Variants in NDUFS2 observed in about 807,000 individuals in gnomAD.
NDUFS2 encodes the protein NADH dehydrogenase [ubiquinone] iron-sulfur protein 2, mitochondrial.
NDUFS2 carries 38 observed loss-of-function variants against 69.6 expected under a neutral mutation model. The ratio of observed to expected loss-of-function variants is 0.55; its 90% CI spans 0.42 to 0.72. The LOEUF is 0.72. Among genes scored for constraint, NDUFS2 ranks in the 30% least tolerant of loss-of-function variants. NDUFS2 has a pLI of 0.00. For missense variants in NDUFS2, 468 were observed against 595.0 expected (o/e 0.79, Z 2.22); for synonymous variants, 194 against 211.2 (o/e 0.92, Z 0.70).
chr1:161,199,886 C>T (rs556077155), upstream of NDUFS2, among the ~76,000 whole-genome samples: 37 of 151,208 alleles, frequency 2.4e-4, no homozygotes, highest in Non-Finnish European at 5.0e-4. Context: ...CAGGGTTCCC[C>T]CTCCCCACTT....
intron 3 of NDUFS2, among the ~76,000 whole-genome samples, chr1:161,207,773 A>C (rs1665549903): frequency 6.6e-6 from 1 of 150,398 alleles, no homozygotes; most frequent in Non-Finnish European, 1.5e-5. Context: ...AGATACTCTT[A>C]AGACTGATTG....
At position 161,206,524 on chromosome 1, in the gene NDUFS2, G is replaced by C; in HGVS notation, c.320G>C (p.Arg107Pro). The C allele has an allele frequency of 6.2e-7, 1 of 1,614,214 alleles. No homozygotes were observed. Among genetic ancestry groups the C allele is most frequent in the East Asian group, 2.2e-5 (1 of 44,886 alleles). ...LVMELSGEMV[R>P]KCDPHIGLLH... is the part of the protein sequence containing the mutation. ...ATGGAATTGAGTGGGGAGATGGTGC[G>C]GAAGTGTGATCCTCACATCGGGCTC... The change falls in exon 3 of 14, where the codon CGG becomes CCG. Residue 107 changes from arginine to proline, a missense_variant. Arg to Pro is a moderately radical substitution (Grantham distance 103, BLOSUM62 -2). Coordinates refer to ENST00000676972, the MANE Select transcript of NDUFS2 (RefSeq NM_001377299.1).
At chr1:161,205,855 C>T (rs986768488) in intron 2 of NDUFS2, among the ~76,000 whole-genome samples, 1 of 151,884 alleles carries the variant, frequency 6.6e-6, no homozygotes, top group Non-Finnish European at 1.5e-5. Flanking sequence ...GACTGGTTGG[C>T]CATTCATTGG....
At chr1:161,212,716 C>A in intron 10 of NDUFS2, 1 of 411,698 alleles carries the variant, frequency 2.4e-6, no homozygotes, top group Admixed American at 3.6e-5. Flanking sequence ...TGTGCCACTA[C>A]GCCCAGCTAA....
intron 2 of NDUFS2, among the ~76,000 whole-genome samples, chr1:161,204,754 A>G (rs1665362126): frequency 6.6e-6 from 1 of 152,168 alleles, no homozygotes; most frequent in African/African-American, 2.4e-5. Context: ...TGAGGAAATT[A>G]TGGTCTAAGG....
Position 161,206,492 on chromosome 1 carries a change from A to G in NDUFS2, c.288A>G (p.Arg96=). 3 of 1,614,242 alleles carry G rather than the reference A, an allele frequency of 1.9e-6. No homozygotes were observed. In the East Asian group the frequency reaches 6.7e-5, roughly 36 times the overall value. The part of the protein sequence containing the change: ...PQHPAAHGVL[R]LVMELSGEMV... The stretch of plus-strand genomic sequence containing the variant: ...ACCCAGCAGCGCATGGTGTCCTGCG[A>G]CTAGTGATGGAATTGAGTGGGGAGA... Residue 96 remains arginine (R), a synonymous_variant, in exon 3 of 14, where the codon CGA becomes CGG. Transcript: ENST00000676972.
chr1:161,207,693 C>T (rs921534848), intron 3 of NDUFS2, among the ~76,000 whole-genome samples: 3 of 149,276 alleles, frequency 2.0e-5, no homozygotes, highest in Non-Finnish European at 4.4e-5. Flanking sequence ...TGCTACTGCA[C>T]TCCAGCGCCT....
upstream of NDUFS2, chr1:161,198,155 G>GC (rs1558077955): frequency 3.1e-6 from 5 of 1,613,996 alleles, no homozygotes. The surrounding 1 kb of genome is among the most constrained non-coding windows in gnomAD (Gnocchi z 4.7). Flanking sequence ...GTGGAGTTCA[G>GC]CCCCCCGATA....
At chr1:161,213,107 G>A in intron 10 of NDUFS2, 1 of 382,542 alleles carries the variant, frequency 2.6e-6, no homozygotes, top group South Asian at 2.1e-5. Context: ...GTTTCACTCT[G>A]TTGGCCAGGC....
At chr1:161,207,976 AT>A (rs965466967) in intron 3 of NDUFS2, among the ~76,000 whole-genome samples, 596 of 88,780 alleles carry the variant, frequency 6.7e-3, no homozygotes, top group African/African-American at 0.019. Context: ...TGCCTGGCTA[AT>A]TTTTTTTTTT....
chr1:161,208,071 A>C (rs1168566455), intron 3 of NDUFS2, among the ~76,000 whole-genome samples: 2 of 136,456 alleles, frequency 1.5e-5, no homozygotes, highest in Non-Finnish European at 1.5e-5. Context: ...TGCAAACTCC[A>C]CCTCCCAGGT....
chr1:161,213,552 C>A, intron 11 of NDUFS2, 77 bp downstream of exon 11: 1 of 1,514,436 alleles, frequency 6.6e-7, no homozygotes, highest in Non-Finnish European at 9.2e-7. Context: ...ATAGCTCATT[C>A]ATCAATGAGA....
intron 5 of NDUFS2, 41 bp from the exon 6 acceptor site, chr1:161,209,816 G>T: frequency 6.2e-7 from 1 of 1,600,356 alleles, no homozygotes; most frequent in Non-Finnish European, 8.5e-7. Context: ...GGACCTGGGG[G>T]CCTGGGACTT....
chr1:161,200,158 C>A (rs1383591240), upstream of NDUFS2, among the ~76,000 whole-genome samples: 1 of 152,066 alleles, frequency 6.6e-6, no homozygotes, highest in Non-Finnish European at 1.5e-5. Context: ...CTTTTTAATT[C>A]TCCCTGGGGC....
chr1:161,213,570 CAGAA>C (rs1665889559), intron 11 of NDUFS2, 75 bp from the exon 12 acceptor site: 1 of 1,547,996 alleles, frequency 6.5e-7, no homozygotes, highest in Admixed American at 1.7e-5. Flanking sequence ...AGAGAGAAAA[CAGAA>C]TGAATAGAGG....
chr1:161,208,445 C>T lies in NDUFS2; in HGVS notation c.394-748C>T, dbSNP rs1263939687. Among the ~76,000 whole-genome samples the T allele has an allele frequency of 2.0e-5, 3 of 151,928 alleles. No individual in the cohort carries two copies. In the East Asian group the frequency reaches 5.8e-4, roughly 29 times the overall value. On this transcript the variant is annotated intron_variant, in intron 3 of 13. Transcript: ENST00000676972. ...CCTCCCAAGTAGCTGGGATTACAGG[C>T]ATGCACCACCACGCCCTGCTAATTT...
At chr1:161,211,848 G>T (rs1457346468) in intron 9 of NDUFS2, among the ~76,000 whole-genome samples, 1 of 152,114 alleles carries the variant, frequency 6.6e-6, no homozygotes, top group Non-Finnish European at 1.5e-5. Context: ...GGTAATTAAA[G>T]AAATAAATAC....
intron 1 of NDUFS2, 88 bp downstream of exon 1, chr1:161,202,568 C>T (rs747383050): frequency 4.6e-5 from 61 of 1,319,998 alleles, no homozygotes; most frequent in Non-Finnish European, 6.0e-5. Flanking sequence ...AAAATAATAA[C>T]CCAAGCCTGT....
At chr1:161,209,668 G>A in intron 5 of NDUFS2, 73 bp downstream of exon 5, 2 of 1,341,398 alleles carry the variant, frequency 1.5e-6, no homozygotes, top group Non-Finnish European at 2.1e-6. Context: ...GGAGACAGGA[G>A]ATTAAAAGAA....
Sources: allele counts gnomAD v4.1 joint callset (sites outside exome capture counted in the v4.1 genomes callset), GRCh38; gene constraint gnomAD v4.1.1; non-coding constraint Gnocchi (gnomAD v3.1); transcripts MANE v1.5; gene names NCBI Gene and HGNC (gene_info 2026-07-23, HGNC 2026-07-21).